XKR6: variants seen among roughly 807,000 people sequenced by gnomAD.
XKR6 encodes XK-related protein 6.
Under a neutral mutation model 56.7 loss-of-function variants are expected in XKR6, and 22 were observed. That is an observed-to-expected ratio of 0.39 (90% CI 0.28 to 0.55). The LOEUF (loss-of-function observed/expected upper bound fraction) is 0.55, where lower values mean the gene tolerates loss of function less well. XKR6 is among the 20% of genes least tolerant of loss of function. The pLI is 0.66. For missense variants in XKR6, 852 were observed against 889.0 expected (o/e 0.96, Z 0.53); for synonymous variants, 524 against 387.8 (o/e 1.35, Z -4.13).
chr8:10,898,514 G>T lies in XKR6; in HGVS notation c.1364C>A (p.Ala455Asp). The T allele has an allele frequency of 6.2e-7, 1 of 1,614,008 alleles. No homozygotes were observed. The highest frequency in any genetic ancestry group is 8.5e-7 in the Non-Finnish European group (1 of 1,180,014). Residue 455 changes from alanine (A) to aspartate (D), a missense_variant, in exon 3 of 3, where the codon GCC becomes GAC. This residue lies in a region of XKR6 where 197 missense variants were observed against 190.9 expected (regional missense o/e 1.03). Transcript: ENST00000416569. This position sits in a 1 kb window ranked among gnomAD's most constrained non-coding sequence, Gnocchi z 6.6. ...GTAAAAATACCAAAGGAACGTCAAG[G>T]CAGCATTCTCGGTCAAGACTATCGT... ...YYTIVLTENA[A>D]LTFLWYFYRD...
intron 2 of XKR6, among the ~76,000 whole-genome samples, chr8:10,924,242 C>T (rs375857042): frequency 3.0e-4 from 46 of 152,370 alleles, no homozygotes; most frequent in Middle Eastern, 3.4e-3. Context: ...CCCAATATGA[C>T]GGCCCCTTGT....
chr8:10,999,567 G>A (rs564406410), intron 1 of XKR6, among the ~76,000 whole-genome samples: 1 of 152,226 alleles, frequency 6.6e-6, no homozygotes, highest in African/African-American at 2.4e-5. Flanking sequence ...AGAAAAGAAG[G>A]GTTTGGTCAA....
chr8:11,191,767 T>C (rs1344203500), intron 1 of XKR6, among the ~76,000 whole-genome samples: 1 of 151,250 alleles, frequency 6.6e-6, no homozygotes, highest in Non-Finnish European at 1.5e-5. Context: ...TAAATTTTTA[T>C]CAAGTCCCTG....
At position 10,949,513 on chromosome 8, in the gene XKR6, T is replaced by G. The variant is rs559521945; in HGVS notation, c.765-24683A>C. On this transcript the variant is annotated intron_variant, in intron 1 of 2. Coordinates refer to ENST00000416569, the MANE Select transcript of XKR6 (RefSeq NM_173683.4). ...CTCTGTAGCCAGGAAGGCACACCTGTTCCTAGAACAGTCACCTGAAAAGAG... is the reference window on the plus strand; with the variant it reads ...CTCTGTAGCCAGGAAGGCACACCTGGTCCTAGAACAGTCACCTGAAAAGAG... Among the ~76,000 whole-genome samples the G allele has an allele frequency of 2.0e-5, 3 of 152,330 alleles. No individual in the cohort carries two copies. The East Asian group carries it at 5.8e-4, about 29-fold the overall frequency.
intron 1 of XKR6, among the ~76,000 whole-genome samples, chr8:11,186,800 G>A (rs749256545): frequency 3.9e-5 from 6 of 152,136 alleles, no homozygotes; most frequent in Non-Finnish European, 7.3e-5. Context: ...ACCACCCCAC[G>A]ACAAACAATA....
chr8:11,098,787 G>C (rs777241903), intron 1 of XKR6, among the ~76,000 whole-genome samples: 4 of 152,080 alleles, frequency 2.6e-5, no homozygotes, highest in African/African-American at 4.8e-5. Flanking sequence ...CGAATAAAAA[G>C]CTTTACTTTC....
chr8:11,040,018 C>T (rs79444797), intron 1 of XKR6, among the ~76,000 whole-genome samples: 10 of 152,208 alleles, frequency 6.6e-5, no homozygotes, highest in African/African-American at 2.4e-4. Context: ...ACTTTCCTAT[C>T]CCCATCCCGC....
chr8:11,000,008 T>G (rs1256482333), intron 1 of XKR6, among the ~76,000 whole-genome samples: 1 of 152,196 alleles, frequency 6.6e-6, no homozygotes, highest in South Asian at 2.1e-4. Flanking sequence ...GCTAATGGCA[T>G]TCCATCTGTG....
chr8:10,950,004 C>G (rs1367233289), intron 1 of XKR6, among the ~76,000 whole-genome samples: 1 of 152,218 alleles, frequency 6.6e-6, no homozygotes, highest in African/African-American at 2.4e-5. Context: ...AGGGCTGTAG[C>G]TGGAAGCTTT....
intron 2 of XKR6, among the ~76,000 whole-genome samples, chr8:10,922,348 A>G (rs540599493): frequency 9.9e-5 from 15 of 152,284 alleles, no homozygotes; most frequent in African/African-American, 1.9e-4. Context: ...TAGCCCTGGG[A>G]TCTGAGGGCA....
At chr8:11,160,438 G>A (rs757854528) in intron 1 of XKR6, among the ~76,000 whole-genome samples, 14 of 152,118 alleles carry the variant, frequency 9.2e-5, no homozygotes, top group Middle Eastern at 3.4e-3. Context: ...AAAAGGAAGA[G>A]ACAGTGAAAT....
intron 1 of XKR6, among the ~76,000 whole-genome samples, chr8:11,122,909 C>G (rs1237835898): frequency 6.6e-6 from 1 of 152,184 alleles, no homozygotes; most frequent in African/African-American, 2.4e-5. Context: ...AACAAGCTCA[C>G]TAACACAATA....
At chr8:10,982,121 C>T (rs376815342) in intron 1 of XKR6, among the ~76,000 whole-genome samples, 1 of 152,214 alleles carries the variant, frequency 6.6e-6, no homozygotes, top group African/African-American at 2.4e-5. Flanking sequence ...AGTCTACACA[C>T]GTCAACTCAA....
chr8:11,157,914 C>T (rs1801601916), intron 1 of XKR6, among the ~76,000 whole-genome samples: 1 of 152,124 alleles, frequency 6.6e-6, no homozygotes, highest in African/African-American at 2.4e-5. Flanking sequence ...GCCAGTTATC[C>T]AATCTCCATC....
chr8:11,179,046 C>G (rs866393286), intron 1 of XKR6, among the ~76,000 whole-genome samples: 1 of 124,318 alleles, frequency 8.0e-6, no homozygotes, highest in African/African-American at 3.2e-5. Context: ...TTTTGGAGAG[C>G]TAGGGTCTCC....
At chr8:10,983,149 GA>G (rs1431792948) in intron 1 of XKR6, among the ~76,000 whole-genome samples, 4 of 151,892 alleles carry the variant, frequency 2.6e-5, no homozygotes, top group Non-Finnish European at 4.4e-5. Flanking sequence ...GAAAATAAAA[GA>G]GCAAAATTAA....
chr8:11,145,429 G>C (rs555321862), intron 1 of XKR6, among the ~76,000 whole-genome samples: 2 of 152,158 alleles, frequency 1.3e-5, no homozygotes, highest in African/African-American at 4.8e-5. Context: ...AAAGTACATT[G>C]TTATAAAACT....
chr8:11,037,557 G>A (rs527696597), intron 1 of XKR6, among the ~76,000 whole-genome samples: 10 of 152,268 alleles, frequency 6.6e-5, no homozygotes, highest in East Asian at 5.8e-4. Context: ...TGTGTTACAC[G>A]CATGTAAAAA....
At chr8:11,088,075 T>A (rs1011638175) in intron 1 of XKR6, among the ~76,000 whole-genome samples, 1 of 152,228 alleles carries the variant, frequency 6.6e-6, no homozygotes, top group Admixed American at 6.5e-5. Flanking sequence ...GATAAGTAGC[T>A]TCAAGAATTC....
Sources: gnomAD v4.1 joint callset for allele counts (sites outside exome capture counted in the v4.1 genomes callset) on GRCh38, gnomAD v4.1.1 for gene constraint, gnomAD v4.1.1 regional missense constraint, Gnocchi (gnomAD v3.1) non-coding constraint, MANE v1.5 for transcripts, NCBI Gene and HGNC (gene_info 2026-07-23, HGNC 2026-07-21) for gene names.